The following C8orf34 variants were observed in gnomAD, a reference collection of about 807,000 sequenced individuals.
C8orf34 encodes the protein chromosome 8 open reading frame 34.
C8orf34 carries 65 observed loss-of-function variants against 68.3 expected under a neutral mutation model. The observed-to-expected ratio is 0.95, with a 90% CI of 0.78 to 1.17. C8orf34 has a LOEUF of 1.17. C8orf34 is among the 50% of genes most tolerant of loss of function. The probability of loss-of-function intolerance (pLI) is 0.00; values close to 1 mark genes in which losing one functional copy is unlikely to be tolerated. For missense variants in C8orf34, 664 were observed against 655.4 expected (o/e 1.01, Z -0.14); for synonymous variants, 244 against 241.2 (o/e 1.01, Z -0.11).
In C8orf34 at chr8:68,791,121, A is replaced by G. The variant is rs189949297; in HGVS notation, c.1549+3585A>G. ...TGTATTAGTCGGTTTTCACACTGCTATAAAGAACTGCCTGAGACTGGGTAA... is the reference window on the plus strand; with the variant it reads ...TGTATTAGTCGGTTTTCACACTGCTGTAAAGAACTGCCTGAGACTGGGTAA... On this transcript the variant is annotated intron_variant, in intron 12 of 13. Transcript: ENST00000518698. 139 of 486,442 alleles carry G rather than the reference A, an allele frequency of 2.9e-4. 1 individual carries two copies. Among genetic ancestry groups the G allele is most frequent in the African/African-American group, 2.4e-3 (124 of 50,838 alleles). The allele number at this position is 486,442 out of a possible 1,614,324, so 30.1% of individuals were successfully genotyped here. A position where few individuals can be genotyped will look rare whatever the true frequency, so the allele number is the denominator to read the frequency against.
chr8:68,657,534 A>G (rs1819542802), intron 8 of C8orf34, among the ~76,000 whole-genome samples: 1 of 152,188 alleles, frequency 6.6e-6, no homozygotes, highest in Admixed American at 6.5e-5. Context: ...GTTGTTGATA[A>G]ATTACCCAGT....
intron 7 of C8orf34, among the ~76,000 whole-genome samples, chr8:68,540,715 G>A (rs1815668790): frequency 6.6e-6 from 1 of 152,040 alleles, no homozygotes; most frequent in Admixed American, 6.6e-5. Context: ...GGTGGTGCAT[G>A]CCTGTAATCC....
intron 8 of C8orf34, among the ~76,000 whole-genome samples, chr8:68,674,493 A>T (rs1226714858): frequency 2.0e-5 from 3 of 152,194 alleles, no homozygotes; most frequent in Admixed American, 2.0e-4. Context: ...GGAGTTGAAA[A>T]ATGCAGTTGA....
chr8:68,354,217 T>C (rs759189879), intron 1 of C8orf34, among the ~76,000 whole-genome samples: 37 of 152,180 alleles, frequency 2.4e-4, no homozygotes, highest in Non-Finnish European at 4.4e-4. Context: ...TTACAGATAT[T>C]TTATCCATAA....
Position 68,599,646 on chromosome 8 carries a change from G to T in C8orf34, c.1106-40730G>T, listed in dbSNP as rs142149980. On this transcript the variant is annotated intron_variant, in intron 7 of 13. Coordinates refer to ENST00000518698, the MANE Select transcript of C8orf34 (RefSeq NM_052958.4). ...GAATACACAAAAATGAAATGAAAAT[G>T]TATTATACCCCCAGATATAAATGCT... 1.6e-3 allele frequency among the ~76,000 whole-genome samples: 241 copies of T among 152,046 alleles called. 3 individuals carry two copies. The Middle Eastern group carries it at 0.02, about 13-fold the overall frequency.
rs143569700 is a variant in C8orf34 at position 68,378,037 on chromosome 8, T to A, written c.327+46698T>A. ...GCCCCATGATCCAAATACCTCTACC[T>A]GGTCCCACCCTCGACATGGGGGGAT... On this transcript the variant is annotated intron_variant, in intron 1 of 13. Coordinates refer to ENST00000518698, the MANE Select transcript of C8orf34 (RefSeq NM_052958.4). Among the ~76,000 whole-genome samples, 224 of 152,260 alleles carry A rather than the reference T, an allele frequency of 1.5e-3. 2 individuals carry two copies. Among genetic ancestry groups the A allele is most frequent in the African/African-American group, 5.2e-3 (216 of 41,562 alleles).
chr8:68,472,488 G>A (rs1037239088), intron 4 of C8orf34, among the ~76,000 whole-genome samples: 8 of 152,108 alleles, frequency 5.3e-5, no homozygotes, highest in African/African-American at 1.9e-4. Flanking sequence ...ATTTGAGGGT[G>A]TGAAAACCCT....
chr8:68,560,410 A>C (rs1221578162), intron 7 of C8orf34, among the ~76,000 whole-genome samples: 6 of 152,176 alleles, frequency 3.9e-5, no homozygotes, highest in African/African-American at 1.4e-4. Flanking sequence ...CTCTAAAACC[A>C]GGACTTAAAT....
intron 4 of C8orf34, among the ~76,000 whole-genome samples, chr8:68,486,212 C>A (rs1813071257): frequency 6.6e-6 from 1 of 152,088 alleles, no homozygotes; most frequent in Non-Finnish European, 1.5e-5. Flanking sequence ...TTTATAATTG[C>A]ACTCTGAGAT....
At chr8:68,628,591 A>C (rs947305759) in intron 7 of C8orf34, among the ~76,000 whole-genome samples, 2 of 152,312 alleles carry the variant, frequency 1.3e-5, no homozygotes, top group South Asian at 2.1e-4. Flanking sequence ...AAAACCTTTG[A>C]CCAAATCAGC....
At chr8:68,699,556 C>T (rs1820929607) in intron 8 of C8orf34, among the ~76,000 whole-genome samples, 1 of 151,970 alleles carries the variant, frequency 6.6e-6, no homozygotes, top group Non-Finnish European at 1.5e-5. Flanking sequence ...AGTCAGAGGC[C>T]CACATTCTGG....
intron 8 of C8orf34, among the ~76,000 whole-genome samples, chr8:68,660,319 A>G (rs932400546): frequency 4.6e-5 from 7 of 152,140 alleles, no homozygotes; most frequent in Non-Finnish European, 7.4e-5. Flanking sequence ...TATGTGAGGG[A>G]GAGAAAGAAG....
intron 1 of C8orf34, among the ~76,000 whole-genome samples, chr8:68,373,911 A>G (rs1406712003): frequency 6.6e-6 from 1 of 152,016 alleles, no homozygotes; most frequent in Non-Finnish European, 1.5e-5. Flanking sequence ...TTCCTTTCTT[A>G]TGTTTTTTTG....
At chr8:68,630,723 T>C (rs912719236) in intron 7 of C8orf34, among the ~76,000 whole-genome samples, 3 of 152,084 alleles carry the variant, frequency 2.0e-5, no homozygotes, top group African/African-American at 7.2e-5. Context: ...TTAATGTTTA[T>C]AAATTTAGCA....
intron 10 of C8orf34, among the ~76,000 whole-genome samples, chr8:68,752,721 C>T (rs994395852): frequency 1.3e-5 from 2 of 152,108 alleles, no homozygotes; most frequent in African/African-American, 4.8e-5. Flanking sequence ...GAGAGTTTTC[C>T]ATAGGGTTGT....
intron 1 of C8orf34, among the ~76,000 whole-genome samples, chr8:68,353,637 T>TATTA (rs772318251): frequency 0.026 from 3,784 of 142,998 alleles, 65 homozygotes; most frequent in Middle Eastern, 0.056. Context: ...TATATATATA[T>TATTA]TATATATATA....
rs1823405890 is a variant in C8orf34, at chr8:68,773,270, T to C, written c.1405-3129T>C. Among the ~76,000 whole-genome samples the C allele has an allele frequency of 2.0e-5, 3 of 152,236 alleles. No individual in the cohort carries two copies. In the South Asian group the frequency reaches 6.2e-4, roughly 31 times the overall value. On this transcript the variant is annotated intron_variant, in intron 10 of 13. Transcript: ENST00000518698. Reference sequence around the variant, plus strand: ...GCCTCTTGACTTGGGCCATCTTTTCTGACCCATCAGAATCAGAGATACTGA... The same window carrying C: ...GCCTCTTGACTTGGGCCATCTTTTCCGACCCATCAGAATCAGAGATACTGA...
At chr8:68,614,268 T>C (rs555635048) in intron 7 of C8orf34, among the ~76,000 whole-genome samples, 1 of 152,278 alleles carries the variant, frequency 6.6e-6, no homozygotes, top group East Asian at 1.9e-4. Flanking sequence ...TAGTTTCTTT[T>C]GCTGTGCAGA....
chr8:68,443,183 G>A (rs1049293975), intron 2 of C8orf34, among the ~76,000 whole-genome samples: 4 of 152,036 alleles, frequency 2.6e-5, no homozygotes, highest in Non-Finnish European at 5.9e-5. Context: ...GACATGAAAC[G>A]GGATATTTGA....
Sources: allele counts gnomAD v4.1 joint callset (sites outside exome capture counted in the v4.1 genomes callset), GRCh38; gene constraint gnomAD v4.1.1; transcripts MANE v1.5; gene names NCBI Gene and HGNC (gene_info 2026-07-23, HGNC 2026-07-21).